The following LRCH3 variants were observed in gnomAD, a reference collection of about 807,000 sequenced individuals.
LRCH3 encodes leucine rich repeats and calponin homology domain containing 3.
A neutral mutation model predicts 104.5 loss-of-function variants in LRCH3; 68 were observed. The observed-to-expected ratio is 0.65, with a 90% CI of 0.54 to 0.80. The LOEUF (loss-of-function observed/expected upper bound fraction) is 0.80. LRCH3 is among the 30% of genes least tolerant of loss of function. LRCH3 has a pLI of 0.00. For synonymous variants in LRCH3, 344 were observed against 361.3 expected (o/e 0.95, Z 0.54); for missense variants, 951 against 953.9 (o/e 1.00, Z 0.04).
At chr3:197,829,702 A>G (rs2109271942) in intron 6 of LRCH3, 29 bp downstream of exon 6, 6 of 1,460,908 alleles carry the variant, frequency 4.1e-6, no homozygotes, top group Non-Finnish European at 5.6e-6. Flanking sequence ...TTTATCTATC[A>G]TATTTTTTGT....
In LRCH3 at chr3:197,870,246, G is replaced by C. The variant is rs1711990598; in HGVS notation, c.1960G>C (p.Glu654Gln). 1.2e-6 allele frequency: 2 copies of C among 1,613,472 alleles called. No homozygotes were observed. Among genetic ancestry groups the C allele is most frequent in the African/African-American group, 2.7e-5 (2 of 75,058 alleles). Residue 654 changes from glutamate (E) to glutamine (Q), a missense_variant, in exon 18 of 21, where the codon GAA becomes CAA. By Grantham distance (29) the Glu-to-Gln change is conservative. Coordinates refer to ENST00000425562, the MANE Select transcript of LRCH3 (RefSeq NM_001365715.1). ...AGGACAGAATTCAAGACAGAGAGAA[G>C]AAGAGCTGGAATTAATAGACCAACT... ...ITGQNSRQREEELELIDQLRK... is the reference protein window; with the variant it reads ...ITGQNSRQREQELELIDQLRK...
In LRCH3 at chr3:197,814,889, A is replaced by G. The variant is rs753817474; in HGVS notation, c.263-19A>G. 6.4e-7 allele frequency: 1 copy of G among 1,568,986 alleles called. No individual in the cohort carries two copies. The highest frequency in any genetic ancestry group is 2.3e-5 in the East Asian group (1 of 43,718). On this transcript the variant is annotated intron_variant, in intron 1 of 20. Transcript: ENST00000425562. Reference sequence around the variant, plus strand: ...AGTTCCAAGGACTGATTTTAAACCTAATTTAATTTTTCTTTTAGACCTGTC... The same window carrying G: ...AGTTCCAAGGACTGATTTTAAACCTGATTTAATTTTTCTTTTAGACCTGTC...
chr3:197,858,831 T>C lies in LRCH3; in HGVS notation c.1645-3T>C, dbSNP rs777519843. The C allele has an allele frequency of 6.2e-6, 10 of 1,612,786 alleles. No homozygotes were observed. The East Asian group carries it at 2.2e-4, about 36-fold the overall frequency. ...TTTCTTCTCTTTCTCATTTGAAATG[T>C]AGTCGCTGTCAGGGTTGAATCAAGT... On this transcript the variant is annotated splice_region_variant and splice_polypyrimidine_tract_variant and intron_variant, in intron 14 of 20. Transcript: ENST00000425562.
At position 197,817,335 on chromosome 3, in the gene LRCH3, T is replaced by TGTGTGTATTTTGTGTGTGTGTGC. The variant is rs760950980; in HGVS notation, c.534+39_534+40insATTTTGTGTGTGTGTGCGTGTGT. 28 of 519,630 alleles carry TGTGTGTATTTTGTGTGTGTGTGC rather than the reference T, an allele frequency of 5.4e-5. 6 individuals carry two copies. Among genetic ancestry groups the TGTGTGTATTTTGTGTGTGTGTGC allele is most frequent in the Admixed American group, 3.3e-4 (5 of 15,092 alleles). The allele number at this position is 519,630 out of a possible 1,614,324, so 32.2% of individuals were successfully genotyped here. ...AATATTTTTGATTGTCCAACATGTG[T>TGTGTGTATTTTGTGTGTGTGTGC]GTGTGTGTGTCTGTGTGTGTGTGTG... is the stretch of plus-strand genomic sequence containing the variant. On this transcript the variant is annotated intron_variant, in intron 3 of 20. Transcript: ENST00000425562.
chr3:197,886,280 G>A lies in LRCH3; in HGVS notation c.*2614G>A, dbSNP rs1172287873. 6.6e-6 allele frequency: 1 copy of A among 152,162 alleles called. No homozygotes were observed. Among genetic ancestry groups the A allele is most frequent in the Non-Finnish European group, 1.5e-5 (1 of 68,144 alleles). 9.4% of individuals were successfully genotyped at this position (152,162 alleles called of 1,614,324 possible). ...GGATCACTTGAGCCTGGGAGGTTGAGGCTACAGTGAGCCATGGCTGCACCA... is the reference window on the plus strand; with the variant it reads ...GGATCACTTGAGCCTGGGAGGTTGAAGCTACAGTGAGCCATGGCTGCACCA... On this transcript the variant is annotated 3_prime_UTR_variant, in exon 21 of 21. Transcript: ENST00000425562.
chr3:197,881,168 C>T (rs746868688), intron 20 of LRCH3: 11 of 1,009,110 alleles, frequency 1.1e-5, no homozygotes, highest in Non-Finnish European at 1.3e-5. Flanking sequence ...GGAGAACCGT[C>T]GTGCCTTTTC....
At chr3:197,808,385 G>C (rs1379115686) in intron 1 of LRCH3, among the ~76,000 whole-genome samples, 1 of 152,200 alleles carries the variant, frequency 6.6e-6, no homozygotes, top group African/African-American at 2.4e-5. Context: ...TATTGTGGCA[G>C]CTCTAGCAAA....
intron 4 of LRCH3, among the ~76,000 whole-genome samples, chr3:197,825,953 C>G (rs1299952334): frequency 6.6e-6 from 1 of 152,014 alleles, no homozygotes; most frequent in African/African-American, 2.4e-5. Flanking sequence ...TGATTAAAGA[C>G]CTTCTCTTTC....
At chr3:197,881,499 T>G in intron 20 of LRCH3, 1 of 985,454 alleles carries the variant, frequency 1.0e-6, no homozygotes, top group Non-Finnish European at 1.2e-6. Context: ...ACTCCCAGCA[T>G]TCTGTTTAAA....
At chr3:197,817,330 A>ATGTGTGTGTGTATTTTGTGTGTGTGTGCG (rs1733924264) in intron 3 of LRCH3, 28 bp downstream of exon 3, 13 of 1,282,618 alleles carry the variant, frequency 1.0e-5, no homozygotes, top group Admixed American at 6.7e-5. Context: ...ATTGTCCAAC[A>ATGTGTGTGTGTATTTTGTGTGTGTGTGCG]TGTGTGTGTG....
intron 10 of LRCH3, among the ~76,000 whole-genome samples, chr3:197,844,920 G>C (rs1404308319): frequency 6.6e-6 from 1 of 152,176 alleles, no homozygotes; most frequent in Non-Finnish European, 1.5e-5. Context: ...ACTGCACCCG[G>C]CCCTGCTGAT....
intron 12 of LRCH3, chr3:197,852,346 G>C: frequency 1.9e-6 from 1 of 516,254 alleles, no homozygotes; most frequent in Non-Finnish European, 3.5e-6. Context: ...CGAGTAAGAG[G>C]TCAATATTCT....
chr3:197,797,847 G>A (rs1287983060), intron 1 of LRCH3, among the ~76,000 whole-genome samples: 1 of 136,214 alleles, frequency 7.3e-6, no homozygotes, highest in Non-Finnish European at 1.5e-5. Flanking sequence ...GCAACAGAGC[G>A]AGACTCCATC....
intron 4 of LRCH3, among the ~76,000 whole-genome samples, chr3:197,822,345 G>C (rs1407216698): frequency 6.6e-6 from 1 of 152,080 alleles, no homozygotes; most frequent in Non-Finnish European, 1.5e-5. Flanking sequence ...GGTTACCTCT[G>C]TACTCAGGAC....
chr3:197,852,373 G>T, intron 12 of LRCH3, 188 bp from the exon 13 acceptor site: 1 of 576,760 alleles, frequency 1.7e-6, no homozygotes, highest in Non-Finnish European at 3.1e-6. Context: ...AAATGTGTTT[G>T]TGTAGATATA....
intron 3 of LRCH3, among the ~76,000 whole-genome samples, chr3:197,818,273 G>A (rs1417232422): frequency 6.6e-6 from 1 of 152,020 alleles, no homozygotes; most frequent in African/African-American, 2.4e-5. Context: ...TCATTTTATA[G>A]CTGAGGAAGC....
intron 2 of LRCH3, 77 bp downstream of exon 2, chr3:197,815,129 T>A: frequency 1.2e-6 from 1 of 824,606 alleles, no homozygotes. Context: ...CTAAAATATT[T>A]ACCTATATAT....
At chr3:197,806,656 A>G (rs1042081335) in intron 1 of LRCH3, among the ~76,000 whole-genome samples, 24 of 150,838 alleles carry the variant, frequency 1.6e-4, no homozygotes, top group Non-Finnish European at 2.5e-4. Context: ...AGGCAGGTGG[A>G]TCACCTGAGG....
chr3:197,840,482 GAAA>G (rs1278786399), intron 10 of LRCH3, among the ~76,000 whole-genome samples: 4 of 152,048 alleles, frequency 2.6e-5, no homozygotes, highest in African/African-American at 9.7e-5. Flanking sequence ...AGAATATTTT[GAAA>G]ATTAGCTTGA....
Sources: allele counts gnomAD v4.1 joint callset (sites outside exome capture counted in the v4.1 genomes callset), GRCh38; gene constraint gnomAD v4.1.1; transcripts MANE v1.5; gene names NCBI Gene and HGNC (gene_info 2026-07-23, HGNC 2026-07-21).